Variants in HSPA12A observed in about 807,000 individuals in gnomAD.
The protein encoded by HSPA12A is heat shock 70 kDa protein 12A.
HSPA12A carries 28 observed loss-of-function variants against 69.2 expected under a neutral mutation model. The ratio of observed to expected loss-of-function variants is 0.40; its 90% confidence interval spans 0.30 to 0.55. The LOEUF is 0.55. HSPA12A is among the 20% of genes least tolerant of loss of function. The pLI is 0.38. For missense variants in HSPA12A, 686 were observed against 900.7 expected (o/e 0.76, Z 3.05); for synonymous variants, 345 against 370.5 (o/e 0.93, Z 0.79).
At chr10:116,701,698 G>A (rs1850081194) in intron 3 of HSPA12A, among the ~76,000 whole-genome samples, 1 of 152,220 alleles carries the variant, frequency 6.6e-6, no homozygotes, top group African/African-American at 2.4e-5. Context: ...CTCAGAGGTG[G>A]GCCAGCCGGG....
chr10:116,838,088 AATAG>A (rs757210453), intron 1 of HSPA12A, among the ~76,000 whole-genome samples: 9 of 152,238 alleles, frequency 5.9e-5, no homozygotes, highest in Non-Finnish European at 1.0e-4. Flanking sequence ...TCTCATGGGA[AATAG>A]ATAGTAAGCG....
chr10:116,789,478 T>C (rs2133149862), intron 2 of HSPA12A, among the ~76,000 whole-genome samples: 1 of 152,272 alleles, frequency 6.6e-6, no homozygotes, highest in South Asian at 2.1e-4. Context: ...ATAAGATTTT[T>C]TAAAAATATT....
chr10:116,701,187 G>A, intron 3 of HSPA12A, 58 bp from the exon 4 acceptor site: 1 of 1,545,918 alleles, frequency 6.5e-7, no homozygotes. Flanking sequence ...AATTCAGGCA[G>A]CACAGATTTG....
chr10:116,766,106 C>A (rs1347899330), intron 2 of HSPA12A, among the ~76,000 whole-genome samples: 1 of 152,182 alleles, frequency 6.6e-6, no homozygotes, highest in Non-Finnish European at 1.5e-5. Context: ...CTCCTCTGCC[C>A]CCTCTCCTCC....
chr10:116,805,192 TG>T (rs1332814844), intron 2 of HSPA12A, among the ~76,000 whole-genome samples: 1 of 151,992 alleles, frequency 6.6e-6, no homozygotes, highest in Non-Finnish European at 1.5e-5. Context: ...GGTGGGCGCC[TG>T]TAGTCCCAGC....
At chr10:116,798,096 C>T (rs1844871467) in intron 2 of HSPA12A, among the ~76,000 whole-genome samples, 1 of 149,844 alleles carries the variant, frequency 6.7e-6, no homozygotes, top group South Asian at 2.1e-4. Flanking sequence ...TCTCCCAAGC[C>T]AGGCTGGCTT....
Position 116,716,748 on chromosome 10 carries a change from G to A in HSPA12A, c.41-9463C>T, listed in dbSNP as rs536686654. Among the ~76,000 whole-genome samples the A allele has an allele frequency of 2.6e-4, 39 of 152,226 alleles. No individual in the cohort carries two copies. In the South Asian group the frequency reaches 7.7e-3, roughly 30 times the overall value. ...AGAGTGGAGGTGTGGATGTTTGTGA[G>A]CCTGGGGACACTGCCTCACCTCCCT... On this transcript the variant is annotated intron_variant, in intron 1 of 11. Transcript: ENST00000369209.
intron 2 of HSPA12A, among the ~76,000 whole-genome samples, chr10:116,806,282 C>T (rs982854468): frequency 5.3e-5 from 8 of 152,196 alleles, no homozygotes; most frequent in Non-Finnish European, 7.3e-5. Context: ...CTCACTGCAA[C>T]CTCCACCTCC....
intron 2 of HSPA12A, among the ~76,000 whole-genome samples, chr10:116,822,013 C>T (rs1034890419): frequency 1.3e-5 from 2 of 152,202 alleles, no homozygotes; most frequent in African/African-American, 2.4e-5. Context: ...GACAGCTTTG[C>T]GTGCTATGCC....
intron 1 of HSPA12A, among the ~76,000 whole-genome samples, chr10:116,727,658 T>C (rs1315782556): frequency 1.3e-5 from 2 of 152,122 alleles, no homozygotes; most frequent in African/African-American, 4.8e-5. Context: ...TTTTTTACTT[T>C]CAGTACAGTA....
chr10:116,783,803 A>C (rs542860904), intron 2 of HSPA12A, among the ~76,000 whole-genome samples: 2 of 152,270 alleles, frequency 1.3e-5, no homozygotes, highest in East Asian at 3.9e-4. Flanking sequence ...CCCAGGTTCA[A>C]GCGATTCTCC....
intron 2 of HSPA12A, 69 bp from the exon 3 acceptor site, chr10:116,705,347 G>A: frequency 1.3e-6 from 2 of 1,571,226 alleles, no homozygotes; most frequent in South Asian, 1.1e-5. Context: ...ACACCCCTGG[G>A]GGGTCTCACC....
intron 1 of HSPA12A, among the ~76,000 whole-genome samples, chr10:116,841,738 T>C (rs774991254): frequency 6.6e-5 from 10 of 152,152 alleles, no homozygotes; most frequent in Non-Finnish European, 1.5e-4. Flanking sequence ...TCCTCCAGAA[T>C]ACAGTTCTTT....
In HSPA12A at chr10:116,754,204, A is replaced by C. The variant is rs557509785; in HGVS notation, c.92-46919T>G. Among the ~76,000 whole-genome samples, 7 of 152,314 alleles carry C rather than the reference A, an allele frequency of 4.6e-5. No individual in the cohort carries two copies. In the South Asian group the frequency reaches 1.5e-3, roughly 32 times the overall value. The stretch of plus-strand genomic sequence containing the variant: ...GAAGGAAGTGGGCTCTTCCCTAACC[A>C]GCCTGTACCTGGACAGTCTTCACTC... On this transcript the variant is annotated intron_variant, in intron 2 of 12. Transcript: ENST00000635765.
chr10:116,804,889 C>CAATG (rs1845035600), intron 2 of HSPA12A, among the ~76,000 whole-genome samples: 1 of 152,108 alleles, frequency 6.6e-6, no homozygotes, highest in Admixed American at 6.5e-5. Context: ...CAGCTCTGAT[C>CAATG]AATGTTTCTT....
intron 3 of HSPA12A, among the ~76,000 whole-genome samples, chr10:116,703,693 G>A (rs1554881887): frequency 6.6e-6 from 1 of 152,218 alleles, no homozygotes; most frequent in Non-Finnish European, 1.5e-5. Context: ...TAAATTCTGG[G>A]CTTCCAAAGA....
rs574006564 is a variant in HSPA12A at position 116,673,365 on chromosome 10, T to C, written c.*1416A>G. 12 of 152,068 alleles carry C rather than the reference T, an allele frequency of 7.9e-5. No individual in the cohort carries two copies. The highest frequency in any genetic ancestry group is 2.1e-4 in the South Asian group (1 of 4,788). 9.4% of individuals were successfully genotyped at this position (152,068 alleles called of 1,614,324 possible). A position where few individuals can be genotyped will look rare whatever the true frequency, so the allele number is the denominator to read the frequency against. ...CAAGCCAGGTGGAGCCCCAATCCCA[T>C]TGACCAAGAGGGCAAGGTATGGGGT... is the stretch of plus-strand genomic sequence containing the variant. On this transcript the variant is annotated 3_prime_UTR_variant, in exon 12 of 12. Transcript: ENST00000369209.
At chr10:116,846,475 G>A (rs956516911) in intron 1 of HSPA12A, among the ~76,000 whole-genome samples, 1 of 151,722 alleles carries the variant, frequency 6.6e-6, no homozygotes, top group South Asian at 2.1e-4. Context: ...TCAGCCTCCC[G>A]AGTAGCTGGG....
At chr10:116,737,418 T>C (rs190077825) in intron 1 of HSPA12A, among the ~76,000 whole-genome samples, 50 of 152,284 alleles carry the variant, frequency 3.3e-4, no homozygotes, top group African/African-American at 1.1e-3. Context: ...TAAACCCAGA[T>C]GTTACAAGCA....
Sources: gnomAD v4.1 joint callset for allele counts (sites outside exome capture counted in the v4.1 genomes callset) on GRCh38, gnomAD v4.1.1 for gene constraint, MANE v1.5 for transcripts, NCBI Gene and HGNC (gene_info 2026-07-23, HGNC 2026-07-21) for gene names.